The following ARIH1 variants were observed in gnomAD, a reference collection of about 807,000 sequenced individuals.
The protein encoded by ARIH1 is ariadne RBR E3 ubiquitin protein ligase 1, also known as E3 ubiquitin-protein ligase ARIH1.
ARIH1 carries 8 observed loss-of-function variants against 85.0 expected under a neutral mutation model. The ratio of observed to expected loss-of-function variants is 0.09; its 90% CI spans 0.06 to 0.17. ARIH1 has a LOEUF of 0.17. Among genes scored for constraint, ARIH1 ranks in the 10% least tolerant of loss-of-function variants. The pLI is 1.00. For missense variants in ARIH1, 311 were observed against 718.1 expected, an observed-to-expected ratio of 0.43 and a Z score of 6.48; for synonymous variants, 238 against 253.6, an observed-to-expected ratio of 0.94 and a Z score of 0.59.
At chr15:72,567,311 T>TC in intron 9 of ARIH1, 134 bp downstream of exon 9, 1 of 663,768 alleles carries the variant, frequency 1.5e-6, no homozygotes. Flanking sequence ...TTTTTTTTTT[T>TC]TCCCAGAATG....
chr15:72,503,435 A>T (rs1254562778), intron 1 of ARIH1, among the ~76,000 whole-genome samples: 3 of 152,194 alleles, frequency 2.0e-5, no homozygotes, highest in African/African-American at 7.2e-5. Context: ...GATCACAGTT[A>T]TCTGCCATGT....
chr15:72,572,069 T>C (rs1319751739), intron 10 of ARIH1, 39 bp from the exon 11 acceptor site: 1 of 1,431,550 alleles, frequency 7.0e-7, no homozygotes, highest in Non-Finnish European at 9.6e-7. Context: ...TTTCATTGAT[T>C]TTTTTTTTCT....
At chr15:72,475,766 T>C (rs771294817) in intron 1 of ARIH1, among the ~76,000 whole-genome samples, 2 of 152,186 alleles carry the variant, frequency 1.3e-5, no homozygotes, top group African/African-American at 4.8e-5. Context: ...TTGTCTAATA[T>C]TGGACAAGAC....
At chr15:72,500,954 A>G (rs1446351090) in intron 1 of ARIH1, among the ~76,000 whole-genome samples, 2 of 152,240 alleles carry the variant, frequency 1.3e-5, no homozygotes, top group African/African-American at 4.8e-5. Flanking sequence ...ACATTTAATG[A>G]TACCTTCATT....
At position 72,594,761 on chromosome 15, in the gene ARIH1, A is replaced by G. The variant is rs986574323; in HGVS notation, c.*11469A>G. On this transcript the variant is annotated 3_prime_UTR_variant, in exon 14 of 14. Coordinates refer to ENST00000379887, the MANE Select transcript of ARIH1 (RefSeq NM_005744.5). ...ATATTAAATAGATACACAACAGTGT[A>G]GTCTGCAAATAATGTTTTTACTTCT... 6.9e-6 allele frequency: 1 copy of G among 145,590 alleles called. No individual in the cohort carries two copies. The highest frequency in any genetic ancestry group is 1.5e-5 in the Non-Finnish European group (1 of 66,432). The allele number at this position is 145,590 out of a possible 1,614,324, so 9.0% of individuals were successfully genotyped here.
chr15:72,502,186 A>G (rs1416682515), intron 1 of ARIH1, among the ~76,000 whole-genome samples: 5 of 152,204 alleles, frequency 3.3e-5, no homozygotes, highest in Non-Finnish European at 5.9e-5. Flanking sequence ...AAATCAAATG[A>G]TTATACATAG....
intron 5 of ARIH1, 76 bp downstream of exon 5, chr15:72,555,983 C>T: frequency 1.5e-6 from 2 of 1,291,572 alleles, no homozygotes; most frequent in Admixed American, 3.9e-5. Flanking sequence ...CTTAGTACCT[C>T]AAAGGAAGTG....
intron 5 of ARIH1, among the ~76,000 whole-genome samples, chr15:72,559,237 C>T (rs147839102): frequency 6.6e-6 from 1 of 152,130 alleles, no homozygotes; most frequent in East Asian, 1.9e-4. Context: ...CAGTTCAAAC[C>T]TGTGTTGTTT....
At chr15:72,554,441 A>G (rs2140428810) in intron 3 of ARIH1, among the ~76,000 whole-genome samples, 1 of 152,184 alleles carries the variant, frequency 6.6e-6, no homozygotes. Flanking sequence ...TGTGGAGTGC[A>G]GTGGCATGAT....
At chr15:72,577,184 C>G (rs796761050) in intron 11 of ARIH1, among the ~76,000 whole-genome samples, 10 of 151,720 alleles carry the variant, frequency 6.6e-5, no homozygotes, top group African/African-American at 2.4e-4. Context: ...GGGATTTCAT[C>G]ATGTTGGTCA....
At chr15:72,562,356 A>T (rs904410690) in intron 6 of ARIH1, among the ~76,000 whole-genome samples, 1 of 152,186 alleles carries the variant, frequency 6.6e-6, no homozygotes, top group Admixed American at 6.5e-5. Context: ...CTTGTTACAG[A>T]GGAGTTTTTC....
At chr15:72,505,138 T>C (rs569215304) in intron 1 of ARIH1, among the ~76,000 whole-genome samples, 1 of 152,316 alleles carries the variant, frequency 6.6e-6, no homozygotes, top group Admixed American at 6.5e-5. Flanking sequence ...TCAGGAACAC[T>C]TGAGGGTCTG....
At chr15:72,530,140 C>T (rs1312309601) in intron 2 of ARIH1, among the ~76,000 whole-genome samples, 1 of 152,150 alleles carries the variant, frequency 6.6e-6, no homozygotes, top group African/African-American at 2.4e-5. Context: ...CTCTGGGAAA[C>T]TTCTGGTAAT....
At chr15:72,493,271 G>A (rs185605412) in intron 1 of ARIH1, among the ~76,000 whole-genome samples, 67 of 149,586 alleles carry the variant, frequency 4.5e-4, no homozygotes, top group Admixed American at 2.1e-3. Context: ...ACACTTTTTG[G>A]GGGGGGAGGT....
At chr15:72,542,475 A>G (rs1010668937) in intron 2 of ARIH1, among the ~76,000 whole-genome samples, 6 of 152,206 alleles carry the variant, frequency 3.9e-5, no homozygotes, top group African/African-American at 1.4e-4. Flanking sequence ...ATTTTTCCCT[A>G]TCTGATGGGC....
At chr15:72,499,561 A>G (rs535421880) in intron 1 of ARIH1, among the ~76,000 whole-genome samples, 2 of 152,334 alleles carry the variant, frequency 1.3e-5, no homozygotes, top group African/African-American at 4.8e-5. Context: ...TTGAAGTGAC[A>G]TCATTGAATG....
chr15:72,544,102 A>C (rs2064119107), intron 2 of ARIH1, among the ~76,000 whole-genome samples: 1 of 152,250 alleles, frequency 6.6e-6, no homozygotes, highest in Non-Finnish European at 1.5e-5. Context: ...CTATATTTAG[A>C]TACATATTTT....
intron 2 of ARIH1, among the ~76,000 whole-genome samples, chr15:72,528,614 C>T (rs1465416693): frequency 6.6e-6 from 1 of 151,976 alleles, no homozygotes; most frequent in East Asian, 1.9e-4. Flanking sequence ...AGAACTTTAG[C>T]TGACTGTGGC....
intron 3 of ARIH1, among the ~76,000 whole-genome samples, chr15:72,548,938 T>G (rs565762939): frequency 8.5e-5 from 13 of 152,326 alleles, no homozygotes; most frequent in African/African-American, 1.9e-4. Context: ...AGTGGCTGCT[T>G]CTTTCAAAAC....
Sources: gnomAD v4.1 joint callset for allele counts (sites outside exome capture counted in the v4.1 genomes callset) on GRCh38, gnomAD v4.1.1 for gene constraint, MANE v1.5 for transcripts, NCBI Gene and HGNC (gene_info 2026-07-23, HGNC 2026-07-21) for gene names.